NBAS: variants seen among roughly 807,000 people sequenced by gnomAD.
The protein encoded by NBAS is NBAS subunit of NRZ tethering complex, also known as NAG/BC035112 fusion.
NBAS carries 219 observed loss-of-function variants against 302.5 expected under a neutral mutation model. The observed-to-expected ratio is 0.72, with a 90% confidence interval of 0.65 to 0.81. The LOEUF (loss-of-function observed/expected upper bound fraction) is 0.81. Ranked by LOEUF, NBAS falls within the 30% of genes least tolerant of loss-of-function variation. NBAS has a pLI of 0.00. For synonymous variants in NBAS, 1,118 were observed against 1,021.6 expected (o/e 1.09, Z -1.80); for missense variants, 2,932 against 2,841.6 (o/e 1.03, Z -0.72).
chr2:15,332,036 T>G (rs1223125740), intron 35 of NBAS, among the ~76,000 whole-genome samples: 1 of 152,088 alleles, frequency 6.6e-6, no homozygotes, highest in Non-Finnish European at 1.5e-5. Context: ...CAACCCACAG[T>G]TGTTGGCTTT....
the NBAS span, among the ~76,000 whole-genome samples, chr2:14,937,974 C>T: frequency 6.6e-6 from 1 of 152,002 alleles, no homozygotes; most frequent in South Asian, 2.1e-4. Flanking sequence ...ACTAAAAATA[C>T]AAAAATTAGC....
At chr2:15,035,219 A>G in the NBAS span, among the ~76,000 whole-genome samples, 1 of 152,070 alleles carries the variant, frequency 6.6e-6, no homozygotes, top group Admixed American at 6.5e-5. Context: ...TAGGGTAAAT[A>G]CTGAGAAGTG....
the NBAS span, among the ~76,000 whole-genome samples, chr2:15,098,101 A>G: frequency 3.8e-5 from 1 of 26,150 alleles, no homozygotes. Flanking sequence ...TACAATATAT[A>G]TTATATTGTA....
chr2:15,024,816 C>T, the NBAS span, among the ~76,000 whole-genome samples: 1 of 151,884 alleles, frequency 6.6e-6, no homozygotes, highest in Non-Finnish European at 1.5e-5. Context: ...ATGGGCAATG[C>T]TTTTTGCTTG....
intron 50 of NBAS, chr2:15,179,665 A>G (rs543135730): frequency 1.3e-5 from 2 of 156,462 alleles, no homozygotes; most frequent in African/African-American, 2.4e-5. Context: ...TGTATCTATC[A>G]TTTTAATGTC....
At chr2:14,989,963 C>T in the NBAS span, among the ~76,000 whole-genome samples, 1 of 152,076 alleles carries the variant, frequency 6.6e-6, no homozygotes, top group Non-Finnish European at 1.5e-5. Context: ...TTTTTTAAAA[C>T]ACTGTGTGCA....
At chr2:14,974,968 A>T in the NBAS span, among the ~76,000 whole-genome samples, 1 of 152,204 alleles carries the variant, frequency 6.6e-6, no homozygotes, top group African/African-American at 2.4e-5. Flanking sequence ...TCAACATTCC[A>T]TTTCTGGCTT....
intron 28 of NBAS, among the ~76,000 whole-genome samples, chr2:15,385,415 T>C (rs1675238491): frequency 6.6e-6 from 1 of 152,202 alleles, no homozygotes; most frequent in African/African-American, 2.4e-5. Flanking sequence ...GGGCAGATGG[T>C]ACTAATGTTT....
At chr2:15,028,196 T>C in the NBAS span, among the ~76,000 whole-genome samples, 1 of 152,210 alleles carries the variant, frequency 6.6e-6, no homozygotes, top group South Asian at 2.1e-4. Flanking sequence ...TAACTGACTT[T>C]TAAACAACAG....
At chr2:15,427,913 G>C (rs1677559917) in intron 21 of NBAS, 119 bp from the exon 22 acceptor site, 1 of 761,940 alleles carries the variant, frequency 1.3e-6, no homozygotes, top group South Asian at 1.5e-5. Context: ...CATGCTTATA[G>C]TATTTTAAGT....
At chr2:15,507,889 T>C (rs16862711) in intron 10 of NBAS, among the ~76,000 whole-genome samples, 3,487 of 152,328 alleles carry the variant, frequency 0.023, 135 homozygotes, top group African/African-American at 0.079. Context: ...TATTGAATTT[T>C]GCACAGTCTG....
At chr2:15,090,057 T>C in the NBAS span, among the ~76,000 whole-genome samples, 1 of 152,126 alleles carries the variant, frequency 6.6e-6, no homozygotes. Flanking sequence ...CTGGTCAAGG[T>C]TTTTAAACAT....
chr2:15,202,290 A>T (rs1043971508), intron 48 of NBAS, among the ~76,000 whole-genome samples: 39 of 152,340 alleles, frequency 2.6e-4, no homozygotes, highest in African/African-American at 8.9e-4. Context: ...TAGAAATTAC[A>T]CAATAAAACA....
chr2:14,997,549 T>C, the NBAS span, among the ~76,000 whole-genome samples: 1 of 152,092 alleles, frequency 6.6e-6, no homozygotes, highest in African/African-American at 2.4e-5. Context: ...ATTTGATGTA[T>C]GCTTATACTG....
At chr2:15,402,538 A>G (rs1676205608) in intron 25 of NBAS, among the ~76,000 whole-genome samples, 2 of 148,440 alleles carry the variant, frequency 1.3e-5, no homozygotes, top group African/African-American at 5.3e-5. Context: ...TATCAGCTGA[A>G]AACAGATTCT....
chr2:15,538,365 C>A, intron 7 of NBAS: 1 of 431,146 alleles, frequency 2.3e-6, no homozygotes, highest in South Asian at 1.6e-5. Flanking sequence ...AGTTTCTCCA[C>A]TCATTATTTC....
At chr2:15,443,862 GACAA>G (rs1176147765) in intron 21 of NBAS, among the ~76,000 whole-genome samples, 1 of 152,090 alleles carries the variant, frequency 6.6e-6, no homozygotes, top group Non-Finnish European at 1.5e-5. Context: ...ACCAATAACA[GACAA>G]ACAGAGAGCC....
intron 33 of NBAS, among the ~76,000 whole-genome samples, chr2:15,355,070 A>G (rs1038553716): frequency 2.6e-5 from 4 of 152,202 alleles, no homozygotes; most frequent in Admixed American, 2.6e-4. Flanking sequence ...CATACACATC[A>G]CAATAGTCCT....
At chr2:14,815,365 A>G in the NBAS span, among the ~76,000 whole-genome samples, 34 of 152,354 alleles carry the variant, frequency 2.2e-4, no homozygotes, top group Non-Finnish European at 4.3e-4. Context: ...ACACAGTCTC[A>G]GAGTGAGAGC....
Sources: gnomAD v4.1 joint callset for allele counts (sites outside exome capture counted in the v4.1 genomes callset) on GRCh38, gnomAD v4.1.1 for gene constraint, MANE v1.5 for transcripts, NCBI Gene and HGNC (gene_info 2026-07-23, HGNC 2026-07-21) for gene names.